RBMS3: variants seen among roughly 807,000 people sequenced by gnomAD.
The protein encoded by RBMS3 is RNA-binding motif, single-stranded-interacting protein 3.
Under a neutral mutation model 66.8 loss-of-function variants are expected in RBMS3, and 27 were observed. That is an observed-to-expected ratio of 0.40 (90% CI 0.30 to 0.56). The LOEUF is 0.56. Among genes scored for constraint, RBMS3 ranks in the 20% least tolerant of loss-of-function variants. The pLI is 0.40. For missense variants in RBMS3, 513 were observed against 549.5 expected, an observed-to-expected ratio of 0.93 and a Z score of 0.66; for synonymous variants, 188 against 183.0, an observed-to-expected ratio of 1.03 and a Z score of -0.22.
intron 3 of RBMS3, among the ~76,000 whole-genome samples, chr3:29,546,258 A>C (rs1401461014): frequency 1.3e-5 from 2 of 152,120 alleles, no homozygotes; most frequent in African/African-American, 4.8e-5. Context: ...CTTATCATAA[A>C]TTATCATTCA....
intron 3 of RBMS3, among the ~76,000 whole-genome samples, chr3:29,561,937 A>G (rs1323656984): frequency 6.6e-6 from 1 of 152,050 alleles, no homozygotes; most frequent in African/African-American, 2.4e-5. Flanking sequence ...GGTTTTTTTC[A>G]TAAACTTAAG....
intron 12 of RBMS3, among the ~76,000 whole-genome samples, chr3:29,945,750 AG>A (rs1695261488): frequency 6.6e-6 from 1 of 151,764 alleles, no homozygotes; most frequent in Non-Finnish European, 1.5e-5. Context: ...TATCAGTCAT[AG>A]GTCAGGCTCT....
intron 6 of RBMS3, among the ~76,000 whole-genome samples, chr3:29,826,296 G>T (rs1329121790): frequency 2.6e-5 from 4 of 152,094 alleles, no homozygotes; most frequent in Admixed American, 2.6e-4. Context: ...TTCCTCCCAT[G>T]CAGACTTTAC....
rs866088463 is a variant in RBMS3 at position 29,504,134 on chromosome 3, G to A, written c.307+15635G>A. On this transcript the variant is annotated intron_variant, in intron 3 of 14. Transcript: ENST00000383767. The stretch of plus-strand genomic sequence containing the variant: ...AATACAAACTTGGTCTCTAAGTTTA[G>A]AGAGGAAATTCTTCCCTCTCACTAG... Among the ~76,000 whole-genome samples the A allele has an allele frequency of 2.0e-5, 3 of 152,184 alleles. No individual in the cohort carries two copies. In the Middle Eastern group the frequency reaches 0.01, roughly 518 times the overall value.
intron 6 of RBMS3, among the ~76,000 whole-genome samples, chr3:29,775,717 C>T (rs1207207740): frequency 2.0e-5 from 3 of 151,888 alleles, no homozygotes; most frequent in East Asian, 1.9e-4. Flanking sequence ...ATCTTAAGTA[C>T]GTACGACCTT....
chr3:29,426,400 A>G (rs2040961948), intron 1 of RBMS3, among the ~76,000 whole-genome samples: 1 of 152,240 alleles, frequency 6.6e-6, no homozygotes, highest in Non-Finnish European at 1.5e-5. Context: ...TCCAAGTACC[A>G]TGAATTTTAA....
chr3:29,598,754 A>C (rs1410734083), intron 4 of RBMS3, among the ~76,000 whole-genome samples: 1 of 152,022 alleles, frequency 6.6e-6, no homozygotes, highest in Non-Finnish European at 1.5e-5. Context: ...CAGAGTCTCT[A>C]AGAGCACAAT....
chr3:29,614,559 A>T (rs1416603029), intron 4 of RBMS3: 2 of 152,158 alleles, frequency 1.3e-5, no homozygotes, highest in Non-Finnish European at 2.9e-5. Flanking sequence ...TATGAAACAA[A>T]AATAAAATAA....
At chr3:29,319,694 G>T (rs991599776) in intron 1 of RBMS3, among the ~76,000 whole-genome samples, 3 of 151,850 alleles carry the variant, frequency 2.0e-5, no homozygotes, top group Non-Finnish European at 4.4e-5. Context: ...TTTAACTTTA[G>T]TTGATCTGTT....
chr3:29,538,564 T>G (rs1183633152), intron 3 of RBMS3, among the ~76,000 whole-genome samples: 1 of 152,244 alleles, frequency 6.6e-6, no homozygotes, highest in Non-Finnish European at 1.5e-5. Flanking sequence ...AAGCAAGAGT[T>G]GCTTAGAAGC....
rs558929331 is a variant in RBMS3 at position 29,942,808 on chromosome 3, C to CT, written c.1051-1383dup. ...TCTAGTAGCATGGTCCAATAATTAA[C>CT]TTTTTTTTTTTTTTTTGGTTTGGAG... On this transcript the variant is annotated intron_variant, in intron 11 of 14. Coordinates refer to ENST00000383767, the MANE Select transcript of RBMS3 (RefSeq NM_001003793.3). 8.2e-3 allele frequency among the ~76,000 whole-genome samples: 1,073 copies of CT among 130,892 alleles called. 5 individuals carry two copies. Among genetic ancestry groups the CT allele is most frequent in the Non-Finnish European group, 8.6e-3 (513 of 59,998 alleles). The allele number at this position is 130,892 out of a possible 152,430, so 85.9% of individuals were successfully genotyped here.
At chr3:29,820,010 C>A (rs1227466496) in intron 6 of RBMS3, among the ~76,000 whole-genome samples, 1 of 151,838 alleles carries the variant, frequency 6.6e-6, no homozygotes, top group Non-Finnish European at 1.5e-5. Context: ...GCCTGGCCAA[C>A]ATGGCGATAC....
At chr3:29,385,875 A>G (rs2038987506) in intron 1 of RBMS3, among the ~76,000 whole-genome samples, 1 of 152,186 alleles carries the variant, frequency 6.6e-6, no homozygotes, top group Non-Finnish European at 1.5e-5. Context: ...CACTTTGAGC[A>G]TTCTGATACC....
chr3:29,827,840 A>T (rs770913997), intron 6 of RBMS3, among the ~76,000 whole-genome samples: 1 of 152,158 alleles, frequency 6.6e-6, no homozygotes, highest in African/African-American at 2.4e-5. Context: ...CATAAAACAG[A>T]CCAAAAAGAT....
intron 4 of RBMS3, among the ~76,000 whole-genome samples, chr3:29,589,557 A>T (rs527722032): frequency 6.6e-6 from 1 of 152,226 alleles, no homozygotes; most frequent in Admixed American, 6.6e-5. Flanking sequence ...CTGTAATTTA[A>T]CTATCTATAA....
At chr3:29,855,942 G>A (rs1055764795) in intron 6 of RBMS3, among the ~76,000 whole-genome samples, 4 of 152,064 alleles carry the variant, frequency 2.6e-5, no homozygotes, top group African/African-American at 9.7e-5. Flanking sequence ...CCCTATACTC[G>A]AGAGACATTT....
intron 12 of RBMS3, among the ~76,000 whole-genome samples, chr3:29,975,854 G>GAAA (rs771457123): frequency 9.9e-5 from 15 of 151,756 alleles, no homozygotes; most frequent in Non-Finnish European, 1.9e-4. Context: ...TTTAGAATGG[G>GAAA]CTTGTTTATT....
At position 30,006,708 on chromosome 3, in the gene RBMS3, C is replaced by T. The variant is rs1487870362; in HGVS notation, c.*2846C>T. The T allele has an allele frequency of 6.6e-6, 1 of 151,884 alleles. No individual in the cohort carries two copies. The highest frequency in any genetic ancestry group is 1.5e-5 in the Non-Finnish European group (1 of 67,878). The allele number at this position is 151,884 out of a possible 1,614,324, so 9.4% of individuals were successfully genotyped here. A position where few individuals can be genotyped will look rare whatever the true frequency, so the allele number is the denominator to read the frequency against. ...ATAATTCATTTGAATATGAAACCAA[C>T]ATACTTTCTTTCATTTTTGTGAAAA... On this transcript the variant is annotated 3_prime_UTR_variant, in exon 15 of 15. Transcript: ENST00000383767.
intron 6 of RBMS3, among the ~76,000 whole-genome samples, chr3:29,763,325 A>C (rs1442159304): frequency 2.0e-5 from 3 of 152,108 alleles, no homozygotes; most frequent in Non-Finnish European, 4.4e-5. Flanking sequence ...CAAAATATCC[A>C]AACAATGATA....
Sources: gnomAD v4.1 joint callset for allele counts (sites outside exome capture counted in the v4.1 genomes callset) on GRCh38, gnomAD v4.1.1 for gene constraint, MANE v1.5 for transcripts, NCBI Gene and HGNC (gene_info 2026-07-23, HGNC 2026-07-21) for gene names.